The following RALGAPB variants were observed in gnomAD, a reference collection of about 807,000 sequenced individuals.
RALGAPB encodes ral GTPase-activating protein subunit beta.
Under a neutral mutation model 161.1 loss-of-function variants are expected in RALGAPB, and 25 were observed. That is an observed-to-expected ratio of 0.16 (90% confidence interval 0.11 to 0.22). RALGAPB has a LOEUF of 0.22. RALGAPB is among the 10% of genes least tolerant of loss of function. The probability of loss-of-function intolerance (pLI) is 1.00; values close to 1 mark genes in which losing one functional copy is unlikely to be tolerated. For missense variants in RALGAPB, 1,391 were observed against 1,815.2 expected (o/e 0.77, Z 4.25); for synonymous variants, 629 against 626.1 (o/e 1.00, Z -0.07).
chr20:38,481,145 C>G (rs891814840), intron 1 of RALGAPB, among the ~76,000 whole-genome samples: 4 of 152,194 alleles, frequency 2.6e-5, no homozygotes, highest in Non-Finnish European at 5.9e-5. Context: ...TGTAGTCTTT[C>G]CTGATCTTAC....
rs1568991199 is a variant in RALGAPB, at chr20:38,574,277, A to G, written c.4270A>G (p.Ile1424Val). Residue 1424 changes from isoleucine (I) to valine (V), a missense_variant, in exon 29 of 30, where the codon ATT becomes GTT. By Grantham distance (29) the Ile-to-Val change is conservative. This residue lies in a region of RALGAPB where 436 missense variants were observed against 527.0 expected (regional missense o/e 0.83). Transcript: ENST00000262879. Reference protein sequence around the residue: ...NMVIPLVDGMIVSRRALGFLV... With the variant: ...NMVIPLVDGMVVSRRALGFLV... ...GGTCATCCCTCTTGTGGATGGGATG[A>G]TTGTCAGCAGGCGAGCTCTTGGTAA... is the stretch of plus-strand genomic sequence containing the variant. The G allele has an allele frequency of 6.2e-7, 1 of 1,611,780 alleles. No homozygotes were observed. The highest frequency in any genetic ancestry group is 1.3e-5 in the African/African-American group (1 of 74,708).
Position 38,575,127 on chromosome 20 carries a change from A to G in RALGAPB, c.*160A>G. The G allele has an allele frequency of 1.5e-6, 1 of 651,392 alleles. No homozygotes were observed. The highest frequency in any genetic ancestry group is 2.6e-6 in the Non-Finnish European group (1 of 386,722). The allele number at this position is 651,392 out of a possible 1,614,324, so 40.4% of individuals were successfully genotyped here. A position where few individuals can be genotyped will look rare whatever the true frequency, so the allele number is the denominator to read the frequency against. On this transcript the variant is annotated 3_prime_UTR_variant, in exon 30 of 30. Transcript: ENST00000262879. The stretch of plus-strand genomic sequence containing the variant: ...AACACATTATAACCCATTTGATAGA[A>G]GACTTTGGGCTATCTAGTGAAATGG...
chr20:38,510,976 C>G (rs556870078), intron 6 of RALGAPB, among the ~76,000 whole-genome samples: 2 of 152,102 alleles, frequency 1.3e-5, no homozygotes, highest in South Asian at 4.2e-4. Context: ...CTCACATAGT[C>G]GTTCAGAGAC....
chr20:38,563,534 A>G (rs1208660596), intron 24 of RALGAPB, among the ~76,000 whole-genome samples: 1 of 152,254 alleles, frequency 6.6e-6, no homozygotes, highest in Non-Finnish European at 1.5e-5. Flanking sequence ...CAGAGCAAGT[A>G]TAAACTTAAA....
intron 18 of RALGAPB, among the ~76,000 whole-genome samples, chr20:38,545,010 C>G (rs767053429): frequency 4.6e-5 from 7 of 152,052 alleles, no homozygotes; most frequent in Non-Finnish European, 8.8e-5. Flanking sequence ...ATTTCTTCAT[C>G]TAAGATTTAC....
At position 38,509,203 on chromosome 20, in the gene RALGAPB, G is replaced by A. The variant is rs377746239; in HGVS notation, c.867G>A (p.Met289Ile). 28 of 1,612,838 alleles carry A rather than the reference G, an allele frequency of 1.7e-5. No individual in the cohort carries two copies. Among genetic ancestry groups the A allele is most frequent in the African/African-American group, 4.0e-5 (3 of 74,880 alleles). ...VAQTWFRFLHMLSNPVDLSNP... is the reference protein window; with the variant it reads ...VAQTWFRFLHILSNPVDLSNP... ...AGACATGGTTTCGCTTTTTACACATGTTAAGGTATTGTTATTTTATTATTT... is the reference window on the plus strand; with the variant it reads ...AGACATGGTTTCGCTTTTTACACATATTAAGGTATTGTTATTTTATTATTT... The change falls in exon 6 of 30, where the codon ATG (methionine) becomes ATA (isoleucine). Residue 289 changes from methionine (M) to isoleucine (I), a missense_variant. Met to Ile is a conservative substitution (Grantham distance 10). Coordinates refer to ENST00000262879, the MANE Select transcript of RALGAPB (RefSeq NM_020336.4).
chr20:38,508,443 C>T (rs1338389663), intron 5 of RALGAPB, among the ~76,000 whole-genome samples: 1 of 151,988 alleles, frequency 6.6e-6, no homozygotes, highest in African/African-American at 2.4e-5. Flanking sequence ...ATAAATGTCC[C>T]ACAGAGCACA....
At chr20:38,566,989 CTTTG>C (rs1302462432) in intron 25 of RALGAPB, 103 bp from the exon 26 acceptor site, 3 of 1,455,588 alleles carry the variant, frequency 2.1e-6, no homozygotes, top group South Asian at 3.2e-5. Flanking sequence ...CGAAGCAATG[CTTTG>C]TTTAAGTGAT....
intron 6 of RALGAPB, among the ~76,000 whole-genome samples, chr20:38,510,147 CACACACACACACACACACAG>C (rs1332902614): frequency 6.8e-6 from 1 of 147,910 alleles, no homozygotes; most frequent in Non-Finnish European, 1.5e-5. Context: ...CACACACACA[CACACACACACACACACACAG>C]ACACACGCAT....
intron 5 of RALGAPB, among the ~76,000 whole-genome samples, chr20:38,506,509 G>A (rs1314421043): frequency 6.6e-6 from 1 of 152,180 alleles, no homozygotes; most frequent in African/African-American, 2.4e-5. Flanking sequence ...GTCCAGGCTG[G>A]CCTTGAACTC....
intron 22 of RALGAPB, among the ~76,000 whole-genome samples, chr20:38,555,139 A>G (rs1358797029): frequency 6.6e-6 from 1 of 152,208 alleles, no homozygotes; most frequent in Non-Finnish European, 1.5e-5. Flanking sequence ...ATAGATGTGG[A>G]CATAGAGGCT....
intron 23 of RALGAPB, among the ~76,000 whole-genome samples, chr20:38,561,594 A>G (rs2087788412): frequency 6.6e-6 from 1 of 152,132 alleles, no homozygotes; most frequent in African/African-American, 2.4e-5. Flanking sequence ...AGGCGAAGAG[A>G]ACCTTATTTT....
intron 18 of RALGAPB, 57 bp downstream of exon 18, chr20:38,541,249 T>G: frequency 6.6e-7 from 1 of 1,509,894 alleles, no homozygotes; most frequent in Non-Finnish European, 9.0e-7. Flanking sequence ...TTAGCAGTGA[T>G]CCATGTTGTT....
chr20:38,577,920 T>C lies in RALGAPB; in HGVS notation c.*2953T>C, dbSNP rs1291447714. On this transcript the variant is annotated 3_prime_UTR_variant, in exon 30 of 30. Coordinates refer to ENST00000262879, the MANE Select transcript of RALGAPB (RefSeq NM_020336.4). ...TCTCCATACACTAGGGAAGCATTTGTCAGACTCTGCAGACTGGGTTCTAGA... is the reference window on the plus strand; with the variant it reads ...TCTCCATACACTAGGGAAGCATTTGCCAGACTCTGCAGACTGGGTTCTAGA... 6.6e-6 allele frequency: 1 copy of C among 152,226 alleles called. No homozygotes were observed. Among genetic ancestry groups the C allele is most frequent in the Non-Finnish European group, 1.5e-5 (1 of 68,042 alleles). The allele number at this position is 152,226 out of a possible 1,614,324, so 9.4% of individuals were successfully genotyped here. A position where few individuals can be genotyped will look rare whatever the true frequency, so the allele number is the denominator to read the frequency against.
At position 38,565,330 on chromosome 20, in the gene RALGAPB, G is replaced by A. The variant is rs374180629; in HGVS notation, c.3698-29G>A. On this transcript the variant is annotated intron_variant, in intron 24 of 29. Coordinates refer to ENST00000262879, the MANE Select transcript of RALGAPB (RefSeq NM_020336.4). ...CTGGTTTTTTCCTACTTTTTGAAGC[G>A]GTAATGTAGTGTTTCTTTTTCCCAG... 17 of 1,606,864 alleles carry A rather than the reference G, an allele frequency of 1.1e-5. No individual in the cohort carries two copies. In the East Asian group the frequency reaches 2.0e-4, roughly 19 times the overall value.
intron 6 of RALGAPB, among the ~76,000 whole-genome samples, chr20:38,509,651 G>A (rs2085873695): frequency 6.6e-6 from 1 of 151,734 alleles, no homozygotes; most frequent in South Asian, 2.1e-4. Context: ...TTTCACAGAG[G>A]GGTATACTGC....
At chr20:38,558,581 A>G (rs2087676869) in intron 23 of RALGAPB, 128 bp downstream of exon 23, 4 of 779,746 alleles carry the variant, frequency 5.1e-6, no homozygotes, top group Non-Finnish European at 7.4e-6. Context: ...CAGCCTGGGA[A>G]GTGCTGGAAA....
rs753525976 is a variant in RALGAPB, at chr20:38,554,030, G to A, written c.3326G>A (p.Arg1109His). ...PPPAQEFQTARLFLSHFGFLS... is the reference protein window; with the variant it reads ...PPPAQEFQTAHLFLSHFGFLS... ...CCTGCCCAGGAATTCCAAACAGCCC[G>A]CCTTTTTCTCTCACACTTTGGATTT... Residue 1109 changes from arginine to histidine, a missense_variant, in exon 22 of 30, where the codon CGC (arginine) becomes CAC (histidine). By Grantham distance (29) the Arg-to-His change is conservative. Transcript: ENST00000262879. The A allele has an allele frequency of 2.5e-6, 4 of 1,613,684 alleles. No individual in the cohort carries two copies. The highest frequency in any genetic ancestry group is 2.5e-6 in the Non-Finnish European group (3 of 1,179,792).
At chr20:38,499,859 T>A in intron 5 of RALGAPB, 1 of 329,610 alleles carries the variant, frequency 3.0e-6, no homozygotes, top group East Asian at 4.9e-5. Flanking sequence ...TATACCCTAC[T>A]TCCCCCACAA....
Sources: allele counts gnomAD v4.1 joint callset (sites outside exome capture counted in the v4.1 genomes callset), GRCh38; gene constraint gnomAD v4.1.1; regional missense constraint gnomAD v4.1.1; transcripts MANE v1.5; gene names NCBI Gene and HGNC (gene_info 2026-07-23, HGNC 2026-07-21).